NEGR1: variants seen among roughly 807,000 people sequenced by gnomAD.
NEGR1 encodes neuronal growth regulator 1.
A neutral mutation model predicts 40.9 loss-of-function variants in NEGR1; 10 were observed. That is an observed-to-expected ratio of 0.24 (90% CI 0.15 to 0.42). The LOEUF is 0.42. NEGR1 is among the 10% of genes least tolerant of loss of function. The probability of loss-of-function intolerance (pLI) is 1.00; values close to 1 mark genes in which losing one functional copy is unlikely to be tolerated. For missense variants in NEGR1, 352 were observed against 438.9 expected (o/e 0.80, Z 1.77); for synonymous variants, 185 against 166.8 (o/e 1.11, Z -0.84).
At chr1:71,411,134 A>G (rs1646317284) in intron 6 of NEGR1, among the ~76,000 whole-genome samples, 1 of 152,204 alleles carries the variant, frequency 6.6e-6, no homozygotes, top group Admixed American at 6.5e-5. Context: ...AGTGCTTCAC[A>G]TCCATTTCCC....
chr1:72,224,433 A>T (rs2100488153), intron 1 of NEGR1, among the ~76,000 whole-genome samples: 1 of 152,126 alleles, frequency 6.6e-6, no homozygotes, highest in South Asian at 2.1e-4. Flanking sequence ...GGCCTTGCAT[A>T]TTTGTGGGAA....
intron 1 of NEGR1, among the ~76,000 whole-genome samples, chr1:72,022,918 C>T (rs1445510263): frequency 6.6e-6 from 1 of 152,132 alleles, no homozygotes; most frequent in Non-Finnish European, 1.5e-5. Flanking sequence ...GACAAGGACT[C>T]ATATAGCAAA....
At chr1:71,628,021 G>A (rs1398850307) in intron 4 of NEGR1, among the ~76,000 whole-genome samples, 2 of 152,056 alleles carry the variant, frequency 1.3e-5, no homozygotes, top group East Asian at 1.9e-4. Flanking sequence ...CCAAGAAAGG[G>A]TGATAACTCA....
intron 1 of NEGR1, among the ~76,000 whole-genome samples, chr1:72,197,601 C>G (rs1231584636): frequency 1.3e-5 from 2 of 151,946 alleles, no homozygotes; most frequent in African/African-American, 4.8e-5. Context: ...TTCACTAGCA[C>G]AGGCACAACC....
At chr1:71,947,397 T>C (rs968053765) in intron 1 of NEGR1, among the ~76,000 whole-genome samples, 2 of 152,082 alleles carry the variant, frequency 1.3e-5, no homozygotes, top group South Asian at 4.1e-4. Flanking sequence ...TCTATGGGAA[T>C]GGAAGGTGTC....
At chr1:72,249,331 A>G (rs1655008273) in intron 1 of NEGR1, among the ~76,000 whole-genome samples, 1 of 152,172 alleles carries the variant, frequency 6.6e-6, no homozygotes, top group African/African-American at 2.4e-5. Flanking sequence ...AAACCTACCC[A>G]GTTCACGGTA....
intron 3 of NEGR1, among the ~76,000 whole-genome samples, chr1:71,728,559 CTT>C (rs1654751458): frequency 6.6e-6 from 1 of 152,116 alleles, no homozygotes; most frequent in South Asian, 2.1e-4. Flanking sequence ...TACTGACACT[CTT>C]TCAAAAAATC....
intron 5 of NEGR1, among the ~76,000 whole-genome samples, chr1:71,610,470 A>T (rs1199112093): frequency 6.6e-5 from 10 of 152,324 alleles, no homozygotes. Context: ...AATCACACAG[A>T]GTTGAAATAA....
chr1:71,716,898 A>T (rs896253815), intron 3 of NEGR1, among the ~76,000 whole-genome samples: 1 of 152,224 alleles, frequency 6.6e-6, no homozygotes, highest in Non-Finnish European at 1.5e-5. Context: ...TAAATTGCAA[A>T]AAACAAAAGT....
intron 1 of NEGR1, among the ~76,000 whole-genome samples, chr1:72,080,087 C>T (rs1455663810): frequency 6.6e-6 from 1 of 151,976 alleles, no homozygotes; most frequent in African/African-American, 2.4e-5. Context: ...CTTTTTTTGA[C>T]AATGTGCAAT....
At chr1:72,109,718 T>G (rs1012256483) in intron 1 of NEGR1, among the ~76,000 whole-genome samples, 10 of 151,770 alleles carry the variant, frequency 6.6e-5, no homozygotes, top group African/African-American at 2.4e-4. Context: ...CTCACATACT[T>G]CAGTGATCAG....
intron 1 of NEGR1, among the ~76,000 whole-genome samples, chr1:72,240,746 C>T (rs932233487): frequency 8.6e-5 from 13 of 151,800 alleles, no homozygotes; most frequent in African/African-American, 3.1e-4. Context: ...TTAGCCAAAG[C>T]TTTTGTAGAA....
chr1:72,257,299 G>A (rs1476176927), intron 1 of NEGR1, among the ~76,000 whole-genome samples: 4 of 138,682 alleles, frequency 2.9e-5, no homozygotes, highest in Admixed American at 7.4e-5. Flanking sequence ...TCCAGCCTGG[G>A]CGACAGAGCG....
chr1:71,860,856 G>A (rs1256063943), intron 2 of NEGR1, among the ~76,000 whole-genome samples: 1 of 151,926 alleles, frequency 6.6e-6, no homozygotes, highest in Admixed American at 6.6e-5. Context: ...TGGGAATAGT[G>A]AACATATGAG....
intron 5 of NEGR1, among the ~76,000 whole-genome samples, chr1:71,594,586 G>A (rs1029786415): frequency 6.6e-6 from 1 of 152,162 alleles, no homozygotes; most frequent in Non-Finnish European, 1.5e-5. Flanking sequence ...ACTTTAGCTT[G>A]AGCAATAAAT....
chr1:71,726,065 C>T (rs1654665142), intron 3 of NEGR1, among the ~76,000 whole-genome samples: 1 of 152,122 alleles, frequency 6.6e-6, no homozygotes, highest in Non-Finnish European at 1.5e-5. Flanking sequence ...TGACAAATTG[C>T]TGCTGTTGTG....
intron 1 of NEGR1, among the ~76,000 whole-genome samples, chr1:72,160,442 ATAT>A (rs1651512006): frequency 6.6e-6 from 1 of 152,164 alleles, no homozygotes; most frequent in Non-Finnish European, 1.5e-5. Context: ...CTTTAAAAGG[ATAT>A]TATATTTCAG....
chr1:71,884,511 A>G (rs1660670894), intron 2 of NEGR1, among the ~76,000 whole-genome samples: 1 of 152,228 alleles, frequency 6.6e-6, no homozygotes, highest in Non-Finnish European at 1.5e-5. Flanking sequence ...ACAAATTATT[A>G]AAATTACAGA....
intron 3 of NEGR1, among the ~76,000 whole-genome samples, chr1:71,774,422 T>G (rs1656431897): frequency 6.6e-6 from 1 of 152,204 alleles, no homozygotes; most frequent in South Asian, 2.1e-4. Context: ...GTAGGGGACA[T>G]AATGCATATT....
Sources: gnomAD v4.1 joint callset for allele counts (sites outside exome capture counted in the v4.1 genomes callset) on GRCh38, gnomAD v4.1.1 for gene constraint, MANE v1.5 for transcripts, NCBI Gene and HGNC (gene_info 2026-07-23, HGNC 2026-07-21) for gene names.